NXPH2: variants seen among roughly 807,000 people sequenced by gnomAD.
NXPH2 encodes neurexophilin-2.
A neutral mutation model predicts 19.8 loss-of-function variants in NXPH2; 5 were observed. The ratio of observed to expected loss-of-function variants is 0.25; its 90% CI spans 0.13 to 0.53. The LOEUF is 0.53. Ranked by LOEUF, NXPH2 falls within the 20% of genes least tolerant of loss-of-function variation. NXPH2 has a pLI of 0.96. For missense variants in NXPH2, 289 were observed against 322.8 expected, an observed-to-expected ratio of 0.90 and a Z score of 0.80; for synonymous variants, 154 against 127.4, an observed-to-expected ratio of 1.21 and a Z score of -1.41.
At chr2:138,700,302 A>T (rs983343289) in intron 1 of NXPH2, among the ~76,000 whole-genome samples, 1 of 152,192 alleles carries the variant, frequency 6.6e-6, no homozygotes, top group Non-Finnish European at 1.5e-5. Context: ...AGGAAAATAC[A>T]TATTTAGCAC....
intron 1 of NXPH2, among the ~76,000 whole-genome samples, chr2:138,730,150 A>G (rs1681425186): frequency 6.6e-6 from 1 of 151,978 alleles, no homozygotes; most frequent in Non-Finnish European, 1.5e-5. Flanking sequence ...GGGCCTGCCC[A>G]TATGACATAT....
chr2:138,735,375 A>G (rs1255443299), intron 1 of NXPH2, among the ~76,000 whole-genome samples: 1 of 152,174 alleles, frequency 6.6e-6, no homozygotes, highest in African/African-American at 2.4e-5. Context: ...GAAGGCAAGG[A>G]GGAGCAAGTC....
intron 1 of NXPH2, among the ~76,000 whole-genome samples, chr2:138,707,220 A>G (rs979004936): frequency 6.6e-6 from 1 of 151,888 alleles, no homozygotes; most frequent in African/African-American, 2.4e-5. Flanking sequence ...CTGAAGGATG[A>G]TATTCACATA....
At chr2:138,673,185 C>T (rs1485875735) in intron 1 of NXPH2, among the ~76,000 whole-genome samples, 1 of 152,152 alleles carries the variant, frequency 6.6e-6, no homozygotes, top group African/African-American at 2.4e-5. Flanking sequence ...CATATTCTTA[C>T]ATTTTGAGAA....
At chr2:138,728,346 A>AT (rs1681390965) in intron 1 of NXPH2, among the ~76,000 whole-genome samples, 1 of 152,304 alleles carries the variant, frequency 6.6e-6, no homozygotes, top group East Asian at 1.9e-4. Flanking sequence ...GAGAAAATAC[A>AT]TTTTTGTTTG....
chr2:138,772,298 A>ATTATTTATTTATTTATTTAT (rs56067113), intron 1 of NXPH2, among the ~76,000 whole-genome samples: 1 of 151,434 alleles, frequency 6.6e-6, no homozygotes, highest in African/African-American at 2.4e-5. Context: ...GTTAAATTTT[A>ATTATTTATTTATTTATTTAT]TTATTTATTT....
chr2:138,732,633 C>T (rs1681469768), intron 1 of NXPH2, among the ~76,000 whole-genome samples: 1 of 152,152 alleles, frequency 6.6e-6, no homozygotes, highest in Non-Finnish European at 1.5e-5. Context: ...CTTGGCTTTA[C>T]AAGACACGCT....
At chr2:138,728,548 C>G (rs1186772374) in intron 1 of NXPH2, among the ~76,000 whole-genome samples, 1 of 152,102 alleles carries the variant, frequency 6.6e-6, no homozygotes, top group Non-Finnish European at 1.5e-5. Context: ...TAAATGTTAG[C>G]TATTATTTTC....
At chr2:138,765,114 C>T (rs550876883) in intron 1 of NXPH2, among the ~76,000 whole-genome samples, 2 of 152,242 alleles carry the variant, frequency 1.3e-5, no homozygotes, top group Admixed American at 6.5e-5. Flanking sequence ...AAAATGCAGC[C>T]TTTCATGCAG....
At chr2:138,722,940 G>A (rs1275336843) in intron 1 of NXPH2, among the ~76,000 whole-genome samples, 3 of 152,182 alleles carry the variant, frequency 2.0e-5, no homozygotes. Context: ...AGTGGCACTG[G>A]GTGATTTTTC....
intron 1 of NXPH2, among the ~76,000 whole-genome samples, chr2:138,756,761 A>T (rs1482540681): frequency 2.6e-5 from 4 of 152,200 alleles, no homozygotes; most frequent in Non-Finnish European, 5.9e-5. Flanking sequence ...GTTCCACAAG[A>T]CTAGTTAGTA....
chr2:138,779,121 C>A (rs560534347), intron 1 of NXPH2, among the ~76,000 whole-genome samples: 3 of 152,184 alleles, frequency 2.0e-5, no homozygotes, highest in Non-Finnish European at 2.9e-5. Flanking sequence ...AGAGAGAGAG[C>A]GAGCGAGAGA....
intron 1 of NXPH2, among the ~76,000 whole-genome samples, chr2:138,686,706 C>T (rs1426971425): frequency 6.6e-6 from 1 of 152,118 alleles, no homozygotes; most frequent in African/African-American, 2.4e-5. Flanking sequence ...CCCCACTCCT[C>T]CCACCCCACA....
intron 1 of NXPH2, among the ~76,000 whole-genome samples, chr2:138,742,895 TA>T (rs1162200245): frequency 2.0e-5 from 3 of 152,188 alleles, no homozygotes; most frequent in Non-Finnish European, 2.9e-5. Flanking sequence ...TAGTCGTGAT[TA>T]AAAATAACAA....
chr2:138,670,812 T>C lies in NXPH2; in HGVS notation c.*110A>G. 8.5e-7 allele frequency: 1 copy of C among 1,177,624 alleles called. No homozygotes were observed. The highest frequency in any genetic ancestry group is 1.2e-6 in the Non-Finnish European group (1 of 851,904). 72.9% of individuals were successfully genotyped at this position (1,177,624 alleles called of 1,614,324 possible). A position where few individuals can be genotyped will look rare whatever the true frequency, so the allele number is the denominator to read the frequency against. The stretch of plus-strand genomic sequence containing the variant: ...ATTTGAAAACCTGATAGGGAACTAT[T>C]GTTCACTGCCAGAAACAAAAGGGAT... On this transcript the variant is annotated 3_prime_UTR_variant, in exon 2 of 2. Coordinates refer to ENST00000272641, the MANE Select transcript of NXPH2 (RefSeq NM_007226.3).
intron 1 of NXPH2, among the ~76,000 whole-genome samples, chr2:138,680,670 G>A (rs1680567197): frequency 6.6e-6 from 1 of 152,012 alleles, no homozygotes; most frequent in Admixed American, 6.6e-5. Context: ...AAGGGAACAG[G>A]GTAAGCAACA....
At chr2:138,672,770 C>T (rs1680433005) in intron 1 of NXPH2, among the ~76,000 whole-genome samples, 1 of 152,174 alleles carries the variant, frequency 6.6e-6, no homozygotes, top group African/African-American at 2.4e-5. Context: ...CCCTTTCAAA[C>T]TTGGCAAAAC....
At chr2:138,778,373 T>C (rs1035220291) in intron 1 of NXPH2, among the ~76,000 whole-genome samples, 3 of 152,212 alleles carry the variant, frequency 2.0e-5, no homozygotes, top group Non-Finnish European at 4.4e-5. Context: ...GTCCATGCTG[T>C]AATATTAGAA....
rs369864172 is a variant in NXPH2 at position 138,777,210 on chromosome 2, A to G, written c.51+2981T>C. On this transcript the variant is annotated intron_variant, in intron 1 of 1. Coordinates refer to ENST00000272641, the MANE Select transcript of NXPH2 (RefSeq NM_007226.3). The stretch of plus-strand genomic sequence containing the variant: ...AAGTCTTTACCTTGTATCATGATGA[A>G]GCAACACTCATTTTGATATAATATT... Among the ~76,000 whole-genome samples, 464 of 152,254 alleles carry G rather than the reference A, an allele frequency of 3.0e-3. 4 individuals carry two copies. The highest frequency in any genetic ancestry group is 0.01 in the African/African-American group (435 of 41,576).
Sources: gnomAD v4.1 joint callset for allele counts (sites outside exome capture counted in the v4.1 genomes callset) on GRCh38, gnomAD v4.1.1 for gene constraint, MANE v1.5 for transcripts, NCBI Gene and HGNC (gene_info 2026-07-23, HGNC 2026-07-21) for gene names.